PMS1: variants seen among roughly 807,000 people sequenced by gnomAD.
PMS1 encodes the protein PMS1 homolog 1, mismatch repair system component, also known as PMS1 protein homolog 1.
PMS1 carries 79 observed loss-of-function variants against 93.1 expected under a neutral mutation model. The ratio of observed to expected loss-of-function variants is 0.85; its 90% CI spans 0.71 to 1.02. The LOEUF is 1.02. Ranked by LOEUF, PMS1 falls within the 50% of genes least tolerant of loss-of-function variation. The pLI, the probability that PMS1 is intolerant of heterozygous loss-of-function variation, is 0.00. For missense variants in PMS1, 1,064 were observed against 1,085.3 expected (o/e 0.98, Z 0.28); for synonymous variants, 335 against 363.4 (o/e 0.92, Z 0.89).
At chr2:189,786,313 A>G (rs2048343582) in intron 1 of PMS1, among the ~76,000 whole-genome samples, 1 of 152,166 alleles carries the variant, frequency 6.6e-6, no homozygotes, top group Non-Finnish European at 1.5e-5. Flanking sequence ...AAATACAGAA[A>G]GAACCCTATA....
At chr2:189,839,052 C>T (rs746943010) in intron 5 of PMS1, among the ~76,000 whole-genome samples, 2 of 151,954 alleles carry the variant, frequency 1.3e-5, no homozygotes, top group African/African-American at 2.4e-5. Flanking sequence ...AGTGCAGTAG[C>T]GCGATCTCAG....
At chr2:189,825,084 T>C (rs544206313) in intron 5 of PMS1, among the ~76,000 whole-genome samples, 1 of 152,308 alleles carries the variant, frequency 6.6e-6, no homozygotes, top group African/African-American at 2.4e-5. Context: ...GAAGTACTAT[T>C]GCTATTTTGA....
intron 4 of PMS1, among the ~76,000 whole-genome samples, chr2:189,816,577 C>T (rs1478791249): frequency 6.6e-6 from 1 of 152,120 alleles, no homozygotes; most frequent in African/African-American, 2.4e-5. Flanking sequence ...AAGCCTTTAA[C>T]TCAAAAATTT....
intron 1 of PMS1, among the ~76,000 whole-genome samples, chr2:189,790,730 T>TTAATATGATGATTTTATA (rs2048787688): frequency 2.0e-5 from 3 of 152,232 alleles, no homozygotes; most frequent in African/African-American, 7.2e-5. Context: ...AATCATCATT[T>TTAATATGATGATTTTATA]TAATAAACGG....
At chr2:189,813,705 G>A (rs2051035888) in intron 4 of PMS1, among the ~76,000 whole-genome samples, 1 of 152,206 alleles carries the variant, frequency 6.6e-6, no homozygotes, top group Admixed American at 6.5e-5. Context: ...CATATGCAAA[G>A]CATTGAAATT....
intron 5 of PMS1, among the ~76,000 whole-genome samples, chr2:189,823,990 A>G (rs1220510509): frequency 6.6e-6 from 1 of 152,226 alleles, no homozygotes; most frequent in Non-Finnish European, 1.5e-5. Context: ...GACAAGATTA[A>G]AAGTAAAACA....
At chr2:189,869,533 C>G (rs1427384178) in intron 11 of PMS1, among the ~76,000 whole-genome samples, 2 of 151,986 alleles carry the variant, frequency 1.3e-5, no homozygotes, top group Non-Finnish European at 2.9e-5. Flanking sequence ...AGATATTAAA[C>G]AGGCCAGGCA....
At chr2:189,809,713 C>T (rs2050669227) in intron 4 of PMS1, among the ~76,000 whole-genome samples, 10 of 151,694 alleles carry the variant, frequency 6.6e-5, no homozygotes, top group Admixed American at 5.9e-4. Context: ...GGCATGGGGG[C>T]GGGCACCTGT....
intron 4 of PMS1, among the ~76,000 whole-genome samples, chr2:189,809,052 T>A (rs2050591940): frequency 6.6e-6 from 1 of 152,228 alleles, no homozygotes; most frequent in Non-Finnish European, 1.5e-5. Flanking sequence ...AGGGCTGTGA[T>A]CATTTTCCTA....
chr2:189,842,560 C>A (rs2053903500), intron 5 of PMS1, among the ~76,000 whole-genome samples: 1 of 152,080 alleles, frequency 6.6e-6, no homozygotes, highest in Admixed American at 6.6e-5. Flanking sequence ...AAAATCTACC[C>A]CATGTTGACC....
At chr2:189,854,158 T>G in intron 8 of PMS1, 76 bp downstream of exon 8, 1 of 1,381,070 alleles carries the variant, frequency 7.2e-7, no homozygotes, top group Non-Finnish European at 9.9e-7. Flanking sequence ...AAGATTTGTT[T>G]ATATTTATCT....
At chr2:189,841,440 G>A (rs2053814509) in intron 5 of PMS1, among the ~76,000 whole-genome samples, 2 of 152,184 alleles carry the variant, frequency 1.3e-5, no homozygotes, top group African/African-American at 4.8e-5. Flanking sequence ...GTTGCTGTTT[G>A]AGACTCTAAA....
At position 189,864,226 on chromosome 2, in the gene PMS1, G is replaced by A; in HGVS notation, c.2340G>A (p.Glu780=). ...EPLEKPIMLT[E]SLFNGSHYLD... is the part of the protein sequence containing the mutation. ...TGGAAAAGCCAATTATGTTAACAGAGAGGTATGATGATACAATACTTTTTA... is the reference window on the plus strand; with the variant it reads ...TGGAAAAGCCAATTATGTTAACAGAAAGGTATGATGATACAATACTTTTTA... The change falls in exon 10 of 13, where the codon GAG becomes GAA. Residue 780 remains glutamate, a splice_region_variant and synonymous_variant. Coordinates refer to ENST00000441310, the MANE Select transcript of PMS1 (RefSeq NM_000534.5). 1 of 1,587,126 alleles carries A rather than the reference G, an allele frequency of 6.3e-7. No homozygotes were observed. Among genetic ancestry groups the A allele is most frequent in the Non-Finnish European group, 8.6e-7 (1 of 1,156,288 alleles).
intron 5 of PMS1, among the ~76,000 whole-genome samples, chr2:189,834,329 G>GC (rs1438333635): frequency 6.6e-6 from 1 of 152,164 alleles, no homozygotes; most frequent in Non-Finnish European, 1.5e-5. Context: ...ATGAGATGAG[G>GC]CTACGAAGCT....
chr2:189,871,020 A>C (rs1478429618), intron 11 of PMS1, among the ~76,000 whole-genome samples: 1 of 152,256 alleles, frequency 6.6e-6, no homozygotes, highest in Admixed American at 6.5e-5. Context: ...TGCAAGCTGT[A>C]CATGAAGCAT....
At chr2:189,840,077 T>C (rs1361329296) in intron 5 of PMS1, among the ~76,000 whole-genome samples, 4 of 152,200 alleles carry the variant, frequency 2.6e-5, no homozygotes, top group African/African-American at 9.6e-5. Context: ...TAAAATTGTA[T>C]ACAATTTATT....
intron 4 of PMS1, among the ~76,000 whole-genome samples, chr2:189,810,331 A>G (rs1296474840): frequency 6.6e-6 from 1 of 152,220 alleles, no homozygotes; most frequent in Admixed American, 6.5e-5. Context: ...CTCATTGAAG[A>G]CCTGTGTCAC....
At chr2:189,790,930 C>T (rs1016413519) in intron 1 of PMS1, among the ~76,000 whole-genome samples, 36 of 152,166 alleles carry the variant, frequency 2.4e-4, no homozygotes, top group African/African-American at 7.2e-4. Context: ...TAATTATACC[C>T]GGAGTTTGAG....
chr2:189,810,028 A>G (rs113761124), intron 4 of PMS1, among the ~76,000 whole-genome samples: 2 of 152,334 alleles, frequency 1.3e-5, no homozygotes, highest in African/African-American at 4.8e-5. Flanking sequence ...CTAGAGCTAC[A>G]GTGCATGCCA....
Sources: gnomAD v4.1 joint callset for allele counts (sites outside exome capture counted in the v4.1 genomes callset) on GRCh38, gnomAD v4.1.1 for gene constraint, MANE v1.5 for transcripts, NCBI Gene and HGNC (gene_info 2026-07-23, HGNC 2026-07-21) for gene names.